Variants in GYG2 observed in about 807,000 individuals in gnomAD.
GYG2 encodes glycogenin 2, also known as glycogenin-2.
A neutral mutation model predicts 29.4 loss-of-function variants in GYG2; 29 were observed. The ratio of observed to expected loss-of-function variants is 0.99; its 90% CI spans 0.74 to 1.35. The LOEUF is 1.35. Ranked by LOEUF, GYG2 falls within the 40% of genes most tolerant of loss-of-function variation. The pLI is 0.00. For synonymous variants in GYG2, 167 were observed against 172.3 expected, an observed-to-expected ratio of 0.97 and a Z score of 0.24; for missense variants, 370 against 385.7, an observed-to-expected ratio of 0.96 and a Z score of 0.34.
intron 8 of GYG2, among the ~76,000 whole-genome samples, chrX:2,866,980 C>G (rs772107064): frequency 1.8e-5 from 2 of 110,817 alleles, no homozygotes; most frequent in East Asian, 5.7e-4. Flanking sequence ...AAAAAAATCT[C>G]AAGAATTGGA....
chrX:2,854,014 G>A lies in GYG2; in HGVS notation c.184G>A (p.Glu62Lys). The A allele has an allele frequency of 8.3e-7, 1 of 1,202,952 alleles. No homozygotes were observed. The highest frequency in any genetic ancestry group is 1.1e-6 in the Non-Finnish European group (1 of 887,561). The change falls in exon 4 of 11, where the codon GAA becomes AAA. Residue 62 changes from glutamate (E) to lysine (K), a missense_variant. By Grantham distance (56) the Glu-to-Lys change is moderately conservative. Coordinates refer to ENST00000398806, the MANE Select transcript of GYG2 (RefSeq NM_001079855.2). The part of the protein sequence containing the change: ...ILSKVFDEVI[E>K]VNLIDSADYI... ...CTCGAAGGTGTTCGATGAAGTCATT[G>A]AAGTGAATCTAATCGATAGTGCCGA...
intron 8 of GYG2, among the ~76,000 whole-genome samples, chrX:2,865,371 G>A (rs966977316): frequency 6.3e-5 from 7 of 111,462 alleles, no homozygotes; most frequent in Non-Finnish European, 1.1e-4. Context: ...CTAAAACAGC[G>A]CCCGTCATGT....
chrX:2,875,727 A>T, intron 8 of GYG2, 83 bp from the exon 9 acceptor site: 1 of 625,652 alleles, frequency 1.6e-6, no homozygotes, highest in Non-Finnish European at 2.6e-6. Flanking sequence ...GGCAGAAAAA[A>T]ATGGAGTGGG....
intron 3 of GYG2, among the ~76,000 whole-genome samples, chrX:2,845,644 CGCATGTGTATGTACATACATTTATATAT>C (rs1158218238): frequency 1.9e-5 from 2 of 104,173 alleles, no homozygotes; most frequent in East Asian, 3.1e-4. Flanking sequence ...CATTTATATA[CGCATGTGTATGTACATACATTTATATAT>C]GCATGTGTAT....
At chrX:2,837,710 A>T (rs2087404333) in intron 2 of GYG2, among the ~76,000 whole-genome samples, 1 of 111,408 alleles carries the variant, frequency 9.0e-6, no homozygotes, top group Non-Finnish European at 1.9e-5. Flanking sequence ...AATACTGCCA[A>T]TGAAAGGCTA....
At chrX:2,853,553 A>G in intron 3 of GYG2, 1 of 115,975 alleles carries the variant, frequency 8.6e-6, no homozygotes, top group East Asian at 2.7e-4. Flanking sequence ...AACTTAGAGT[A>G]ATCATTGTGC....
intron 8 of GYG2, among the ~76,000 whole-genome samples, chrX:2,869,023 A>AG (rs1336840652): frequency 9.1e-6 from 1 of 109,503 alleles, no homozygotes; most frequent in Non-Finnish European, 1.9e-5. Flanking sequence ...TCTTAAAAAA[A>AG]AAAAAAAGAG....
intron 6 of GYG2, among the ~76,000 whole-genome samples, chrX:2,857,190 A>G (rs770323086): frequency 9.2e-6 from 1 of 108,583 alleles, no homozygotes; most frequent in Non-Finnish European, 1.9e-5. Context: ...CTAGACCTAG[A>G]TATCTATCTA....
In GYG2 at chrX:2,847,983, T is replaced by C. The variant is rs751949272; in HGVS notation, c.149+4629T>C. On this transcript the variant is annotated intron_variant, in intron 3 of 10. Coordinates refer to ENST00000398806, the MANE Select transcript of GYG2 (RefSeq NM_001079855.2). ...AAATATCTCCACATGTTGATGAAGGTGGATGTTTTGTTCATCTGAAAGCTG... is the reference window on the plus strand; with the variant it reads ...AAATATCTCCACATGTTGATGAAGGCGGATGTTTTGTTCATCTGAAAGCTG... Among the ~76,000 whole-genome samples the C allele has an allele frequency of 8.1e-5, 9 of 111,447 alleles. No individual in the cohort carries two copies. In the South Asian group the frequency reaches 3.4e-3, roughly 42 times the overall value.
rs908432186 is a variant in GYG2, at chrX:2,879,620, A to G, written c.1252-1432A>G. Reference sequence around the variant, plus strand: ...TATATATCCATTCATCCTCACATCTAGATAATAGATACATAGATATAGAAG... The same window carrying G: ...TATATATCCATTCATCCTCACATCTGGATAATAGATACATAGATATAGAAG... On this transcript the variant is annotated intron_variant, in intron 10 of 10. Transcript: ENST00000398806. Among the ~76,000 whole-genome samples the G allele has an allele frequency of 7.1e-5, 8 of 112,400 alleles. No individual in the cohort carries two copies. In the Admixed American group the frequency reaches 7.6e-4, roughly 11 times the overall value.
chrX:2,860,119 G>C (rs1235562825), intron 7 of GYG2, 54 bp downstream of exon 7: 11 of 778,350 alleles, frequency 1.4e-5, no homozygotes, highest in Middle Eastern at 4.2e-4. Context: ...GAACATCCTT[G>C]TCACCAAGGT....
chrX:2,870,211 TA>T (rs1413414199), intron 8 of GYG2, among the ~76,000 whole-genome samples: 1 of 110,206 alleles, frequency 9.1e-6, no homozygotes, highest in Non-Finnish European at 1.9e-5. Flanking sequence ...TTTATTTATT[TA>T]TTTTTTTGAG....
At chrX:2,841,059 A>T (rs745893843) in intron 2 of GYG2, among the ~76,000 whole-genome samples, 2 of 110,883 alleles carry the variant, frequency 1.8e-5, no homozygotes, top group African/African-American at 3.3e-5. Context: ...GATCGATTAT[A>T]GTAAGATAGA....
intron 2 of GYG2, 122 bp downstream of exon 2, chrX:2,830,317 C>A: frequency 1.6e-6 from 1 of 620,429 alleles, no homozygotes; most frequent in Non-Finnish European, 2.6e-6. Flanking sequence ...CGAGTCTCCC[C>A]CTTACTGCCT....
chrX:2,839,958 C>T (rs188794459), intron 2 of GYG2, among the ~76,000 whole-genome samples: 11 of 111,948 alleles, frequency 9.8e-5, no homozygotes, highest in Non-Finnish European at 1.9e-4. Context: ...CCTCGGATTG[C>T]CTGGAGTTAG....
chrX:2,845,059 G>GTGTATGTATATATACACA (rs1569057324), intron 3 of GYG2, among the ~76,000 whole-genome samples: 1 of 50,841 alleles, frequency 2.0e-5, no homozygotes, highest in African/African-American at 9.8e-5. Context: ...ATATATACAC[G>GTGTATGTATATATACACA]TGTGTATGTA....
At chrX:2,853,056 C>T (rs1334719659) in intron 3 of GYG2, 1 of 111,318 alleles carries the variant, frequency 9.0e-6, no homozygotes, top group Non-Finnish European at 1.9e-5. Flanking sequence ...ACTCTGTCGC[C>T]CAGGCTGGAG....
Position 2,859,832 on chromosome X carries a change from T to A in GYG2, c.615-11T>A. On this transcript the variant is annotated splice_polypyrimidine_tract_variant and intron_variant, in intron 6 of 10. Transcript: ENST00000398806. ...GAGTGGAAATCAGAATCCCTTCTGT[T>A]TCCTTCTCAGATTCGGTTCCAGTGC... The A allele has an allele frequency of 8.8e-7, 1 of 1,135,510 alleles. No homozygotes were observed. The highest frequency in any genetic ancestry group is 1.2e-6 in the Non-Finnish European group (1 of 828,394). The allele number at this position is 1,135,510 out of a possible 1,213,427, so 93.6% of individuals were successfully genotyped here. A position where few individuals can be genotyped will look rare whatever the true frequency, so the allele number is the denominator to read the frequency against.
chrX:2,878,611 GGGT>G (rs2088652106), intron 10 of GYG2, among the ~76,000 whole-genome samples: 3 of 111,127 alleles, frequency 2.7e-5, no homozygotes, highest in African/African-American at 9.8e-5. Flanking sequence ...GGTGGAGACT[GGGT>G]TGCCCACCTC....
Sources: allele counts gnomAD v4.1 joint callset (sites outside exome capture counted in the v4.1 genomes callset), GRCh38; gene constraint gnomAD v4.1.1; transcripts MANE v1.5; gene names NCBI Gene and HGNC (gene_info 2026-07-23, HGNC 2026-07-21).